Variants in NSD1 observed in about 807,000 individuals in gnomAD.
The protein encoded by NSD1 is histone-lysine N-methyltransferase, H3 lysine-36 specific.
Under a neutral mutation model 242.7 loss-of-function variants are expected in NSD1, and 26 were observed. The ratio of observed to expected loss-of-function variants is 0.11; its 90% CI spans 0.08 to 0.15. The LOEUF is 0.15. Ranked by LOEUF, NSD1 falls within the 10% of genes least tolerant of loss-of-function variation. The probability of loss-of-function intolerance (pLI) is 1.00; values close to 1 mark genes in which losing one functional copy is unlikely to be tolerated. For synonymous variants in NSD1, 1,106 were observed against 1,178.1 expected, an observed-to-expected ratio of 0.94 and a Z score of 1.25; for missense variants, 2,495 against 3,272.8, an observed-to-expected ratio of 0.76 and a Z score of 5.80.
At chr5:177,219,239 G>C (rs1764045456) in intron 5 of NSD1, among the ~76,000 whole-genome samples, 2 of 151,768 alleles carry the variant, frequency 1.3e-5, no homozygotes, top group South Asian at 4.2e-4. Context: ...AGGCTGGAGT[G>C]AGCTGGCACG....
chr5:177,264,866 A>G (rs1362553501), intron 14 of NSD1: 3 of 764,914 alleles, frequency 3.9e-6, no homozygotes, highest in Non-Finnish European at 7.2e-6. Context: ...ATGCGAATCT[A>G]TAAGAAAGGT....
At chr5:177,182,740 T>C (rs1215028612) in intron 2 of NSD1, among the ~76,000 whole-genome samples, 2 of 151,958 alleles carry the variant, frequency 1.3e-5, no homozygotes, top group African/African-American at 4.8e-5. Context: ...CGGGTTCGAG[T>C]GATTCTCCTG....
chr5:177,155,395 T>G (rs1195941075), intron 2 of NSD1, among the ~76,000 whole-genome samples: 1 of 152,088 alleles, frequency 6.6e-6, no homozygotes, highest in Non-Finnish European at 1.5e-5. Context: ...CCCAAAGTGC[T>G]GGGATAACAG....
rs2149845759 is a variant in NSD1 at position 177,210,963 on chromosome 5, C to T, written c.2564C>T (p.Ala855Val). Reference protein sequence around the residue: ...KTRDSSDIETAVVKHVLSELK... With the variant: ...KTRDSSDIETVVVKHVLSELK... The stretch of plus-strand genomic sequence containing the variant: ...AGGGATTCAAGTGACATAGAAACAG[C>T]AGTGGTGAAACATGTTTTATCCGAG... The change falls in exon 5 of 23, where the codon GCA (alanine) becomes GTA (valine). Residue 855 changes from alanine to valine, a missense_variant. Around this residue, in one of 19 missense-constraint regions of NSD1, gnomAD observed 121 missense variants for 167.2 expected, o/e 0.72. Transcript: ENST00000439151. 1 of 1,614,136 alleles carries T rather than the reference C, an allele frequency of 6.2e-7. No homozygotes were observed. The highest frequency in any genetic ancestry group is 8.5e-7 in the Non-Finnish European group (1 of 1,180,018).
chr5:177,279,349 T>G (rs186261524), intron 17 of NSD1, among the ~76,000 whole-genome samples: 41 of 152,078 alleles, frequency 2.7e-4, no homozygotes, highest in Non-Finnish European at 5.0e-4. Context: ...AATACAAAAA[T>G]TAGCCGGGCT....
intron 2 of NSD1, among the ~76,000 whole-genome samples, chr5:177,154,142 C>A (rs1167336919): frequency 6.6e-6 from 1 of 152,078 alleles, no homozygotes; most frequent in Admixed American, 6.6e-5. Flanking sequence ...TTCCCACTTG[C>A]ACTTCTCCAT....
At chr5:177,140,106 C>T (rs944055091) in intron 2 of NSD1, among the ~76,000 whole-genome samples, 1 of 152,172 alleles carries the variant, frequency 6.6e-6, no homozygotes, top group African/African-American at 2.4e-5. Flanking sequence ...TTAGTAGCCT[C>T]TTCAGTTTAC....
chr5:177,163,687 G>A (rs1317997594), intron 2 of NSD1, among the ~76,000 whole-genome samples: 5 of 152,112 alleles, frequency 3.3e-5, no homozygotes, highest in African/African-American at 9.7e-5. Flanking sequence ...CACATGCCAG[G>A]CAGCCAGGAT....
chr5:177,210,511 T>C lies in NSD1; in HGVS notation c.2112T>C (p.Ile704=). Residue 704 remains isoleucine, a synonymous_variant, in exon 5 of 23, where the codon ATT becomes ATC. Coordinates refer to ENST00000439151, the MANE Select transcript of NSD1 (RefSeq NM_022455.5). ...TRVKAKQKPL[I]SNSHTDHLMG... ...TAAAAGCAAAACAGAAGCCTCTCAT[T>C]AGTAACTCACATACAGACCACTTAA... is the stretch of plus-strand genomic sequence containing the variant. The C allele has an allele frequency of 1.9e-6, 3 of 1,614,182 alleles. No homozygotes were observed. The highest frequency in any genetic ancestry group is 2.5e-6 in the Non-Finnish European group (3 of 1,180,030).
intron 2 of NSD1, among the ~76,000 whole-genome samples, chr5:177,176,322 C>T (rs773603282): frequency 4.0e-5 from 6 of 151,894 alleles, no homozygotes; most frequent in South Asian, 2.1e-4. Flanking sequence ...TGCAATGGCA[C>T]GATCTCGGCT....
chr5:177,259,856 C>T (rs1756847735), intron 13 of NSD1, 133 bp from the exon 14 acceptor site: 2 of 939,574 alleles, frequency 2.1e-6, no homozygotes, highest in Non-Finnish European at 3.3e-6. Context: ...GTTTAAGATC[C>T]ATCATCTTAG....
rs140217510 is a variant in NSD1, at chr5:177,208,053, C to T, written c.1237-1583C>T. ...TCCTGGGAGTACAGCCATGAGCCAC[C>T]ATCCCCAGCAATGATCTGAATGTTT... On this transcript the variant is annotated intron_variant, in intron 4 of 22. Coordinates refer to ENST00000439151, the MANE Select transcript of NSD1 (RefSeq NM_022455.5). Among the ~76,000 whole-genome samples, 422 of 152,226 alleles carry T rather than the reference C, an allele frequency of 2.8e-3. 4 individuals are homozygous for T. Among genetic ancestry groups the T allele is most frequent in the African/African-American group, 9.5e-3 (395 of 41,526 alleles).
chr5:177,158,938 GTATATATACACACATATA>G (rs1385936981), intron 2 of NSD1, among the ~76,000 whole-genome samples: 5 of 141,764 alleles, frequency 3.5e-5, no homozygotes, highest in Admixed American at 1.4e-4. Context: ...GTGTGTGTGT[GTATATATACACACATATA>G]TATATACACA....
At chr5:177,199,972 T>C (rs1180812419) in intron 3 of NSD1, among the ~76,000 whole-genome samples, 2 of 152,212 alleles carry the variant, frequency 1.3e-5, no homozygotes, top group Admixed American at 1.3e-4. Flanking sequence ...CACAAATCTG[T>C]TGTGCTCCTC....
chr5:177,235,766 A>G, intron 5 of NSD1, 55 bp from the exon 6 acceptor site: 1 of 1,612,474 alleles, frequency 6.2e-7, no homozygotes, highest in Non-Finnish European at 8.5e-7. Context: ...TCATAAAAAC[A>G]GTGGGTTTTC....
chr5:177,283,992 C>G (rs1270131076), intron 20 of NSD1, 64 bp downstream of exon 20: 2 of 1,555,832 alleles, frequency 1.3e-6, no homozygotes, highest in South Asian at 1.1e-5. Context: ...TTTTTACAAA[C>G]AGCTTCCTCA....
At chr5:177,249,593 T>A (rs1755751613) in intron 11 of NSD1, among the ~76,000 whole-genome samples, 1 of 151,794 alleles carries the variant, frequency 6.6e-6, no homozygotes, top group Non-Finnish European at 1.5e-5. Context: ...CAGCCTCCCA[T>A]TCTCCTGCCT....
intron 3 of NSD1, among the ~76,000 whole-genome samples, chr5:177,199,495 A>G (rs1762348794): frequency 6.6e-6 from 1 of 152,194 alleles, no homozygotes; most frequent in African/African-American, 2.4e-5. Flanking sequence ...GGGCTCAAAC[A>G]GTCTTCTTGC....
chr5:177,169,210 AAGTCT>A (rs1304773391), intron 2 of NSD1, among the ~76,000 whole-genome samples: 1 of 152,138 alleles, frequency 6.6e-6, no homozygotes, highest in Non-Finnish European at 1.5e-5. Context: ...GCTGCTGCTT[AAGTCT>A]ATCCACTGAG....
Sources: gnomAD v4.1 joint callset for allele counts (sites outside exome capture counted in the v4.1 genomes callset) on GRCh38, gnomAD v4.1.1 for gene constraint, gnomAD v4.1.1 regional missense constraint, MANE v1.5 for transcripts, NCBI Gene and HGNC (gene_info 2026-07-23, HGNC 2026-07-21) for gene names.